NAV2: variants seen among roughly 807,000 people sequenced by gnomAD.
NAV2 encodes neuron navigator 2.
Under a neutral mutation model 223.2 loss-of-function variants are expected in NAV2, and 54 were observed. That is an observed-to-expected ratio of 0.24 (90% CI 0.19 to 0.30). The LOEUF is 0.30. Among genes scored for constraint, NAV2 ranks in the 10% least tolerant of loss-of-function variants. NAV2 has a pLI of 1.00. For missense variants in NAV2, 2,806 were observed against 3,147.5 expected, an observed-to-expected ratio of 0.89 and a Z score of 2.60; for synonymous variants, 1,279 against 1,239.3, an observed-to-expected ratio of 1.03 and a Z score of -0.67.
chr11:20,117,406 T>C (rs536383391), intron 37 of NAV2, among the ~76,000 whole-genome samples: 2 of 152,268 alleles, frequency 1.3e-5, no homozygotes, highest in South Asian at 4.1e-4. Flanking sequence ...TATTCCCTAC[T>C]TCAACCCTAT....
intron 1 of NAV2, among the ~76,000 whole-genome samples, chr11:19,771,411 G>A (rs1215493294): frequency 1.3e-5 from 2 of 152,076 alleles, no homozygotes; most frequent in African/African-American, 4.8e-5. Context: ...AAAGATCAAC[G>A]TGATATCAAT....
chr11:19,615,313 CT>C (rs2046760257), intron 1 of NAV2, among the ~76,000 whole-genome samples: 1 of 151,870 alleles, frequency 6.6e-6, no homozygotes, highest in Non-Finnish European at 1.5e-5. Flanking sequence ...AATGGTTTGA[CT>C]TAAAACTTGC....
chr11:19,789,418 CCA>C (rs2057369316), intron 1 of NAV2, among the ~76,000 whole-genome samples: 1 of 152,214 alleles, frequency 6.6e-6, no homozygotes, highest in Non-Finnish European at 1.5e-5. Flanking sequence ...TTCTCCTCTT[CCA>C]CTCCCAGTCT....
At chr11:19,543,830 C>G (rs1318703831) in intron 1 of NAV2, among the ~76,000 whole-genome samples, 2 of 152,228 alleles carry the variant, frequency 1.3e-5, no homozygotes, top group Non-Finnish European at 2.9e-5. Flanking sequence ...TTTGTCACCT[C>G]CTCCTCTTCC....
intron 19 of NAV2, among the ~76,000 whole-genome samples, chr11:20,059,250 G>T (rs112093942): frequency 6.6e-6 from 1 of 152,078 alleles, no homozygotes; most frequent in Non-Finnish European, 1.5e-5. Flanking sequence ...GAAGTAGATC[G>T]TGATGCCTAG....
At chr11:19,658,243 G>C (rs2048181924) in intron 1 of NAV2, among the ~76,000 whole-genome samples, 1 of 152,090 alleles carries the variant, frequency 6.6e-6, no homozygotes, top group Non-Finnish European at 1.5e-5. Context: ...GCGAGTAAGT[G>C]ACAGAGCCAG....
chr11:19,813,046 T>A (rs2152817485), intron 1 of NAV2, among the ~76,000 whole-genome samples: 1 of 152,278 alleles, frequency 6.6e-6, no homozygotes, highest in South Asian at 2.1e-4. Context: ...CTCGGTAGCC[T>A]TTTCATAACC....
At chr11:19,553,109 G>A (rs1350173111) in intron 1 of NAV2, among the ~76,000 whole-genome samples, 1 of 152,200 alleles carries the variant, frequency 6.6e-6, no homozygotes, top group African/African-American at 2.4e-5. Context: ...GGTGAGGAGA[G>A]GCATTCCTGT....
rs1202241484 is a variant in NAV2 at position 19,781,500 on chromosome 11, TGAA to T, written c.268-50980_268-50978del. 2.7e-5 allele frequency among the ~76,000 whole-genome samples: 4 copies of T among 149,368 alleles called. No individual in the cohort carries two copies. In the Admixed American group the frequency reaches 2.7e-4, roughly 10 times the overall value. On this transcript the variant is annotated intron_variant, in intron 1 of 37. Coordinates refer to ENST00000349880, the MANE Select transcript of NAV2 (RefSeq NM_145117.5). Reference sequence around the variant, plus strand: ...AAATGAAGGAGAAAGTGGCTCTGCATGAAGAATAATTGAGAATAATGATGATGA... The same window carrying T: ...AAATGAAGGAGAAAGTGGCTCTGCATGAATAATTGAGAATAATGATGATGA...
intron 20 of NAV2, among the ~76,000 whole-genome samples, chr11:20,067,409 T>G (rs2059116500): frequency 6.6e-6 from 1 of 152,166 alleles, no homozygotes; most frequent in Admixed American, 6.5e-5. Context: ...CAATTAAATG[T>G]GAAATTTAGA....
chr11:19,660,713 T>A (rs1432903291), intron 1 of NAV2, among the ~76,000 whole-genome samples: 1 of 152,196 alleles, frequency 6.6e-6, no homozygotes, highest in Non-Finnish European at 1.5e-5. Context: ...GCTTTCACAA[T>A]ATAAAATTAT....
intron 1 of NAV2, among the ~76,000 whole-genome samples, chr11:19,516,225 C>A (rs1351214297): frequency 6.6e-6 from 1 of 152,166 alleles, no homozygotes; most frequent in Non-Finnish European, 1.5e-5. Context: ...TGATGGGGAT[C>A]TTTTGTCTTT....
At chr11:19,790,868 C>A (rs2152725211) in intron 1 of NAV2, among the ~76,000 whole-genome samples, 1 of 151,412 alleles carries the variant, frequency 6.6e-6, no homozygotes, top group African/African-American at 2.4e-5. Context: ...ACTGCAGCTT[C>A]AATTACTTTT....
intron 1 of NAV2, among the ~76,000 whole-genome samples, chr11:19,377,271 T>C (rs1017766909): frequency 5.9e-5 from 9 of 152,216 alleles, no homozygotes; most frequent in Non-Finnish European, 8.8e-5. Flanking sequence ...TATGTCTTCT[T>C]GTAGTTTCAC....
chr11:19,826,679 A>C (rs993748099), intron 1 of NAV2, among the ~76,000 whole-genome samples: 2 of 152,154 alleles, frequency 1.3e-5, no homozygotes, highest in African/African-American at 4.8e-5. Flanking sequence ...AGGGAGAGGA[A>C]ACTCCAGATA....
chr11:19,757,294 C>T (rs1378260135), intron 1 of NAV2, among the ~76,000 whole-genome samples: 2 of 152,042 alleles, frequency 1.3e-5, no homozygotes, highest in African/African-American at 4.8e-5. Context: ...CACAGTTGGC[C>T]TCAACGCGTG....
intron 1 of NAV2, among the ~76,000 whole-genome samples, chr11:19,595,444 G>T (rs2135185467): frequency 6.6e-6 from 1 of 152,326 alleles, no homozygotes; most frequent in Non-Finnish European, 1.5e-5. Flanking sequence ...ACAACACTAT[G>T]AAATGTTCTA....
intron 6 of NAV2, among the ~76,000 whole-genome samples, chr11:19,899,886 G>A (rs542307197): frequency 6.6e-6 from 1 of 152,132 alleles, no homozygotes; most frequent in East Asian, 1.9e-4. Flanking sequence ...TTCTATGGAG[G>A]GCTTGTAGAG....
At chr11:19,804,500 G>GT (rs1362678764) in intron 1 of NAV2, among the ~76,000 whole-genome samples, 6 of 152,186 alleles carry the variant, frequency 3.9e-5, no homozygotes, top group Non-Finnish European at 7.3e-5. Context: ...ATGGTCTTGT[G>GT]GGAGGAGCAT....
Sources: allele counts gnomAD v4.1 joint callset (sites outside exome capture counted in the v4.1 genomes callset), GRCh38; gene constraint gnomAD v4.1.1; transcripts MANE v1.5; gene names NCBI Gene and HGNC (gene_info 2026-07-23, HGNC 2026-07-21).